The following TET3 variants were observed in gnomAD, a reference collection of about 807,000 sequenced individuals.
The protein encoded by TET3 is tet methylcytosine dioxygenase 3, also known as methylcytosine dioxygenase TET3.
Under a neutral mutation model 141.4 loss-of-function variants are expected in TET3, and 19 were observed. The ratio of observed to expected loss-of-function variants is 0.13; its 90% CI spans 0.09 to 0.20. TET3 has a LOEUF of 0.20. Among genes scored for constraint, TET3 ranks in the 10% least tolerant of loss-of-function variants. The pLI, the probability that TET3 is intolerant of heterozygous loss-of-function variation, is 1.00. For synonymous variants in TET3, 1,043 were observed against 980.9 expected (o/e 1.06, Z -1.18); for missense variants, 1,874 against 2,356.9 (o/e 0.80, Z 4.24).
chr2:73,987,570 C>G (rs1440045375), intron 2 of TET3, among the ~76,000 whole-genome samples: 1 of 152,172 alleles, frequency 6.6e-6, no homozygotes, highest in Admixed American at 6.5e-5. Flanking sequence ...TAGGGCTGAG[C>G]GAAGTTGAGC....
In TET3 at chr2:74,055,653, TC is replaced by T. The variant is rs1688177892; in HGVS notation, c.2494+7246del. ...GTTCTGTGGTTTGAATGTTGTTGTT[TC>T]CCCAAACTTACATTGAAACTTAATC... On this transcript the variant is annotated intron_variant, in intron 4 of 11. Coordinates refer to ENST00000409262, the MANE Select transcript of TET3 (RefSeq NM_001287491.2). Among the ~76,000 whole-genome samples the T allele has an allele frequency of 5.3e-5, 8 of 152,344 alleles. No homozygotes were observed. In the South Asian group the frequency reaches 1.7e-3, roughly 32 times the overall value.
intron 3 of TET3, among the ~76,000 whole-genome samples, chr2:74,038,060 AG>A (rs1052060414): frequency 1.3e-5 from 2 of 152,130 alleles, no homozygotes; most frequent in Non-Finnish European, 2.9e-5. Context: ...AGATGTCTGG[AG>A]GACCAGCTCT....
chr2:74,101,846 C>T lies in TET3; in HGVS notation c.5058C>T (p.Pro1686=). 1 of 1,613,170 alleles carries T rather than the reference C, an allele frequency of 6.2e-7. No individual in the cohort carries two copies. Among genetic ancestry groups the T allele is most frequent in the Non-Finnish European group, 8.5e-7 (1 of 1,179,814 alleles). The change falls in exon 12 of 12, where the codon CCC becomes CCT. Residue 1686 remains proline, a synonymous_variant. Coordinates refer to ENST00000409262, the MANE Select transcript of TET3 (RefSeq NM_001287491.2). The surrounding 1 kb of genome is among the most constrained non-coding windows in gnomAD (Gnocchi z 8.5). ...TPLKKPNRCH[P]TRISLVFYQH... ...TTAAGAAGCCCAACCGCTGCCACCC[C>T]ACCCGCATCTCGCTGGTCTTCTACC...
At chr2:74,116,453 C>G in the TET3 span, among the ~76,000 whole-genome samples, 1 of 151,250 alleles carries the variant, frequency 6.6e-6, no homozygotes. Context: ...GAGGCCAAGG[C>G]AGGCAGATTA....
chr2:74,130,183 T>C, the TET3 span, among the ~76,000 whole-genome samples: 1 of 152,170 alleles, frequency 6.6e-6, no homozygotes, highest in African/African-American at 2.4e-5. Context: ...CTTAGTCTTA[T>C]TGCAAAAGAA....
chr2:74,083,875 G>A (rs1200457936), intron 6 of TET3, among the ~76,000 whole-genome samples: 1 of 152,190 alleles, frequency 6.6e-6, no homozygotes, highest in African/African-American at 2.4e-5. Context: ...GTGATTGGCT[G>A]CGTTCCCCCT....
intron 3 of TET3, 21 bp downstream of exon 3, chr2:74,003,187 C>T (rs1320718099): frequency 8.1e-7 from 1 of 1,233,552 alleles, no homozygotes; most frequent in Non-Finnish European, 1.1e-6. Flanking sequence ...TGTGTGCGTG[C>T]GTGTGTGTGC....
chr2:74,052,604 G>A (rs1406931962), intron 4 of TET3, among the ~76,000 whole-genome samples: 1 of 151,232 alleles, frequency 6.6e-6, no homozygotes, highest in Non-Finnish European at 1.5e-5. Flanking sequence ...GGGCGCTGTG[G>A]CTCATGCCTG....
intron 2 of TET3, among the ~76,000 whole-genome samples, chr2:73,996,365 G>GGAAATA (rs1267864463): frequency 1.3e-5 from 2 of 152,128 alleles, no homozygotes; most frequent in African/African-American, 4.8e-5. Context: ...TTCTGGGAGG[G>GGAAATA]CCCTTTAGAG....
upstream of TET3, among the ~76,000 whole-genome samples, chr2:73,983,829 T>C (rs1024836312): frequency 3.3e-5 from 5 of 152,218 alleles, no homozygotes; most frequent in African/African-American, 1.2e-4. Flanking sequence ...AGTGTGTGTG[T>C]GCGCGTGTAT....
chr2:74,072,539 G>C (rs1444006026), intron 4 of TET3, among the ~76,000 whole-genome samples: 2 of 151,800 alleles, frequency 1.3e-5, no homozygotes, highest in Non-Finnish European at 2.9e-5. Context: ...TGTTTTCAAG[G>C]TTCATCCATA....
At chr2:74,071,436 C>A (rs976763462) in intron 4 of TET3, among the ~76,000 whole-genome samples, 1 of 152,164 alleles carries the variant, frequency 6.6e-6, no homozygotes, top group Admixed American at 6.5e-5. Context: ...AATTGTGGCT[C>A]ACTGTTTTTT....
At chr2:74,130,863 A>C in the TET3 span, 1 of 152,254 alleles carries the variant, frequency 6.6e-6, no homozygotes, top group African/African-American at 2.4e-5. Context: ...GGCTGCCTGG[A>C]AGTGCTCCCG....
intron 3 of TET3, among the ~76,000 whole-genome samples, chr2:74,010,596 T>TCCC (rs1360750269): frequency 6.6e-6 from 1 of 152,204 alleles, no homozygotes; most frequent in East Asian, 1.9e-4. Context: ...CCCCTGAGAG[T>TCCC]CTGCTGTTAT....
intron 4 of TET3, among the ~76,000 whole-genome samples, chr2:74,067,425 T>TG (rs1239675967): frequency 1.1e-4 from 16 of 152,128 alleles, no homozygotes; most frequent in Admixed American, 6.5e-4. Context: ...TGCCAAATAC[T>TG]GTGCTAAGCC....
At position 74,020,831 on chromosome 2, in the gene TET3, C is replaced by T. The variant is rs565011558; in HGVS notation, c.360+17665C>T. On this transcript the variant is annotated intron_variant, in intron 3 of 11. Coordinates refer to ENST00000409262, the MANE Select transcript of TET3 (RefSeq NM_001287491.2). Reference sequence around the variant, plus strand: ...GGACGTGAGCTGATTTCTAATCCCTCTCTAGCAGTTGTGCATCTGGTTCAG... The same window carrying T: ...GGACGTGAGCTGATTTCTAATCCCTTTCTAGCAGTTGTGCATCTGGTTCAG... Among the ~76,000 whole-genome samples the T allele has an allele frequency of 2.4e-4, 36 of 152,326 alleles. No homozygotes were observed. In the South Asian group the frequency reaches 2.5e-3, roughly 11 times the overall value.
intron 3 of TET3, among the ~76,000 whole-genome samples, chr2:74,017,095 A>T (rs1301617858): frequency 6.6e-6 from 1 of 152,134 alleles, no homozygotes; most frequent in East Asian, 1.9e-4. Flanking sequence ...AGACCAGCCT[A>T]TGCAACAAAG....
chr2:74,130,573 T>C, the TET3 span: 2 of 152,120 alleles, frequency 1.3e-5, no homozygotes, highest in Non-Finnish European at 2.9e-5. Flanking sequence ...ATGTAAGACA[T>C]TTCTTGCAGA....
chr2:74,006,786 C>A (rs77974177), intron 3 of TET3, among the ~76,000 whole-genome samples: 156 of 152,320 alleles, frequency 1.0e-3, no homozygotes, highest in Middle Eastern at 6.8e-3. Context: ...GGGCTTTCGG[C>A]CTCATTTCCT....
Sources: gnomAD v4.1 joint callset for allele counts (sites outside exome capture counted in the v4.1 genomes callset) on GRCh38, gnomAD v4.1.1 for gene constraint, Gnocchi (gnomAD v3.1) non-coding constraint, MANE v1.5 for transcripts, NCBI Gene and HGNC (gene_info 2026-07-23, HGNC 2026-07-21) for gene names.